The following ADD2 variants were observed in gnomAD, a reference collection of about 807,000 sequenced individuals.
ADD2 encodes the protein adducin 2.
In ADD2, 23 loss-of-function variants were observed where a neutral mutation model predicts 83.0. That is an observed-to-expected ratio of 0.28 (90% CI 0.20 to 0.39). ADD2 has a LOEUF of 0.39. Ranked by LOEUF, ADD2 falls within the 10% of genes least tolerant of loss-of-function variation. The probability of loss-of-function intolerance (pLI) is 1.00; values close to 1 mark genes in which losing one functional copy is unlikely to be tolerated. For missense variants in ADD2, 758 were observed against 944.9 expected, an observed-to-expected ratio of 0.80 and a Z score of 2.59; for synonymous variants, 375 against 375.4, an observed-to-expected ratio of 1.00 and a Z score of 0.01.
intron 10 of ADD2, among the ~76,000 whole-genome samples, chr2:70,679,958 A>C (rs1223550003): frequency 6.6e-6 from 1 of 152,030 alleles, no homozygotes; most frequent in Non-Finnish European, 1.5e-5. Context: ...AAGAATATTA[A>C]TTTTTTCACT....
At chr2:70,766,036 T>C (rs1675362992) in intron 1 of ADD2, among the ~76,000 whole-genome samples, 1 of 152,200 alleles carries the variant, frequency 6.6e-6, no homozygotes, top group Admixed American at 6.5e-5. Context: ...ATTTGCTAAT[T>C]CCAACACTAT....
chr2:70,698,722 T>A (rs2104354641), intron 4 of ADD2, among the ~76,000 whole-genome samples: 1 of 152,172 alleles, frequency 6.6e-6, no homozygotes, highest in African/African-American at 2.4e-5. Context: ...AAAAAGAAAA[T>A]AATATTACAA....
chr2:70,690,682 C>T, intron 8 of ADD2, 104 bp downstream of exon 8: 13 of 1,330,754 alleles, frequency 9.8e-6, no homozygotes, highest in East Asian at 5.0e-5. Flanking sequence ...TTTTTTTTCC[C>T]CCCTCTCTCC....
intron 10 of ADD2, 64 bp from the exon 11 acceptor site, chr2:70,679,025 T>C (rs1490068429): frequency 6.6e-6 from 10 of 1,510,290 alleles, no homozygotes; most frequent in African/African-American, 1.4e-5. Flanking sequence ...TGCACATACA[T>C]GCACACACAC....
chr2:70,729,338 C>A (rs1309246020), intron 1 of ADD2, among the ~76,000 whole-genome samples: 1 of 152,172 alleles, frequency 6.6e-6, no homozygotes, highest in Non-Finnish European at 1.5e-5. Flanking sequence ...GGTCTCTGAG[C>A]CACTTCCCCA....
At chr2:70,674,596 G>A in intron 14 of ADD2, 82 bp downstream of exon 14, 12 of 1,402,188 alleles carry the variant, frequency 8.6e-6, no homozygotes, top group Non-Finnish European at 1.2e-5. Context: ...GATGGGGCAG[G>A]AAGGTCCTCT....
chr2:70,698,002 G>A (rs1671396623), intron 4 of ADD2, among the ~76,000 whole-genome samples: 2 of 152,218 alleles, frequency 1.3e-5, no homozygotes, highest in South Asian at 2.1e-4. Context: ...AACTTCCAAA[G>A]TTAAGGATTT....
intron 1 of ADD2, among the ~76,000 whole-genome samples, chr2:70,728,813 A>G (rs1198991790): frequency 6.6e-6 from 1 of 152,090 alleles, no homozygotes; most frequent in Non-Finnish European, 1.5e-5. Flanking sequence ...CCACACACAG[A>G]CACCTTCCTT....
At chr2:70,719,813 GT>G (rs1280868241) in intron 1 of ADD2, among the ~76,000 whole-genome samples, 2 of 152,130 alleles carry the variant, frequency 1.3e-5, no homozygotes, top group Non-Finnish European at 2.9e-5. Flanking sequence ...ATTTTGAAAA[GT>G]TTCACCTCAA....
At position 70,676,403 on chromosome 2, in the gene ADD2, C is replaced by T. The variant is rs532876603; in HGVS notation, c.1593+393G>A. On this transcript the variant is annotated intron_variant, in intron 13 of 15. Coordinates refer to ENST00000264436, the MANE Select transcript of ADD2 (RefSeq NM_001617.4). The surrounding 1 kb of genome is among the most constrained non-coding windows in gnomAD (Gnocchi z 4.8). Reference sequence around the variant, plus strand: ...TCTGGTTGGATGATGTCATACCAGGCTCAGAGGTCAGAGACTCTCAGGGCT... The same window carrying T: ...TCTGGTTGGATGATGTCATACCAGGTTCAGAGGTCAGAGACTCTCAGGGCT... The T allele has an allele frequency of 2.8e-5, 32 of 1,158,270 alleles. No individual in the cohort carries two copies. The highest frequency in any genetic ancestry group is 3.4e-5 in the Non-Finnish European group (32 of 938,012). 71.7% of individuals were successfully genotyped at this position (1,158,270 alleles called of 1,614,324 possible).
chr2:70,690,859 T>C lies in ADD2; in HGVS notation c.776A>G (p.Tyr259Cys). Residue 259 changes from tyrosine (Y) to cysteine (C), a missense_variant, in exon 8 of 16, where the codon TAT (tyrosine) becomes TGT (cysteine). Physicochemically the swap from Tyr to Cys is radical, Grantham distance 194. Transcript: ENST00000264436. The part of the protein sequence containing the change: ...NALLVGDMAY[Y>C]DFNGEMEQEA... The stretch of plus-strand genomic sequence containing the variant: ...CTGCTCCATTTCCCCATTGAAGTCA[T>C]AATAGGCCATGTCCCCCACCAGCAG... The C allele has an allele frequency of 6.2e-7, 1 of 1,614,172 alleles. No homozygotes were observed. Among genetic ancestry groups the C allele is most frequent in the African/African-American group, 1.3e-5 (1 of 75,046 alleles).
chr2:70,733,384 A>C (rs1673376611), intron 1 of ADD2, among the ~76,000 whole-genome samples: 1 of 152,368 alleles, frequency 6.6e-6, no homozygotes, highest in African/African-American at 2.4e-5. Flanking sequence ...CTGGTGGTTA[A>C]AGCAAATGAA....
chr2:70,759,519 G>C (rs1379204634), intron 1 of ADD2, among the ~76,000 whole-genome samples: 2 of 152,054 alleles, frequency 1.3e-5, no homozygotes, highest in Non-Finnish European at 2.9e-5. Flanking sequence ...AGGTGTTTGG[G>C]TCATGGTGGT....
At chr2:70,741,514 A>G (rs1553381123) in intron 1 of ADD2, 1 of 152,236 alleles carries the variant, frequency 6.6e-6, no homozygotes, top group Non-Finnish European at 1.5e-5. Flanking sequence ...GTTCACCAGT[A>G]TATGTTTCCT....
At chr2:70,739,002 G>T (rs534933800) in intron 1 of ADD2, among the ~76,000 whole-genome samples, 8 of 152,242 alleles carry the variant, frequency 5.3e-5, no homozygotes, top group African/African-American at 1.9e-4. Flanking sequence ...TGACAAAGAT[G>T]CCAAGAGCAA....
At chr2:70,683,904 T>A (rs1303243929) in intron 9 of ADD2, 137 bp from the exon 10 acceptor site, 1 of 847,986 alleles carries the variant, frequency 1.2e-6, no homozygotes, top group East Asian at 2.9e-5. Flanking sequence ...CCACCCATAC[T>A]TGATGGGCAT....
Position 70,767,630 on chromosome 2 carries a change from G to A in ADD2, c.-154+256C>T, listed in dbSNP as rs181430958. On this transcript the variant is annotated intron_variant, in intron 1 of 15. Transcript: ENST00000264436. ...TGTCAGGCGTTACGCTCCGGGCGAG[G>A]GTCCCACCATCCCCAAGCAGGGGCC... 1,262 of 1,300,284 alleles carry A rather than the reference G, an allele frequency of 9.7e-4. 8 individuals carry two copies. The African/African-American group carries it at 0.017, about 18-fold the overall frequency. 80.5% of individuals were successfully genotyped at this position (1,300,284 alleles called of 1,614,324 possible). A position where few individuals can be genotyped will look rare whatever the true frequency, so the allele number is the denominator to read the frequency against.
chr2:70,721,518 G>A (rs1553377369), intron 1 of ADD2, among the ~76,000 whole-genome samples: 1 of 152,166 alleles, frequency 6.6e-6, no homozygotes, highest in Non-Finnish European at 1.5e-5. Context: ...CCCCTGAAGT[G>A]TATTTTCTCA....
intron 1 of ADD2, among the ~76,000 whole-genome samples, chr2:70,724,093 A>C (rs1239780394): frequency 6.6e-6 from 1 of 152,234 alleles, no homozygotes; most frequent in Non-Finnish European, 1.5e-5. Context: ...TGTACACATG[A>C]CATAGGCCTT....
Sources: gnomAD v4.1 joint callset for allele counts (sites outside exome capture counted in the v4.1 genomes callset) on GRCh38, gnomAD v4.1.1 for gene constraint, Gnocchi (gnomAD v3.1) non-coding constraint, MANE v1.5 for transcripts, NCBI Gene and HGNC (gene_info 2026-07-23, HGNC 2026-07-21) for gene names.